SPPL2A: variants seen among roughly 807,000 people sequenced by gnomAD.
SPPL2A encodes signal peptide peptidase-like 2A.
A neutral mutation model predicts 63.8 loss-of-function variants in SPPL2A; 51 were observed. The ratio of observed to expected loss-of-function variants is 0.80; its 90% CI spans 0.64 to 1.01. The LOEUF is 1.01. SPPL2A is among the 50% of genes least tolerant of loss of function. SPPL2A has a pLI of 0.00. For missense variants in SPPL2A, 553 were observed against 622.7 expected (o/e 0.89, Z 1.19); for synonymous variants, 188 against 205.8 (o/e 0.91, Z 0.74).
intron 1 of SPPL2A, among the ~76,000 whole-genome samples, chr15:50,757,606 A>G (rs1315738168): frequency 6.6e-6 from 1 of 152,168 alleles, no homozygotes; most frequent in Non-Finnish European, 1.5e-5. Flanking sequence ...CTTACACACA[A>G]AGGAAGCAAG....
chr15:50,749,311 G>T (rs1450569807), intron 2 of SPPL2A, among the ~76,000 whole-genome samples: 1 of 151,398 alleles, frequency 6.6e-6, no homozygotes, highest in Non-Finnish European at 1.5e-5. Flanking sequence ...TTTCAGAGAC[G>T]AAGTCTCACC....
At position 50,705,032 on chromosome 15, in the gene SPPL2A, C is replaced by A. The variant is rs1168742663; in HGVS notation, c.*2768G>T. On this transcript the variant is annotated 3_prime_UTR_variant, in exon 15 of 15. Transcript: ENST00000261854. ...TAATTACTACTCCAGTTATATGAAACCAAATTATTTTGAGAAATTATCTTA... is the reference window on the plus strand; with the variant it reads ...TAATTACTACTCCAGTTATATGAAAACAAATTATTTTGAGAAATTATCTTA... 6.6e-6 allele frequency: 1 copy of A among 152,024 alleles called. No homozygotes were observed. Among genetic ancestry groups the A allele is most frequent in the Non-Finnish European group, 1.5e-5 (1 of 68,012 alleles). The allele number at this position is 152,024 out of a possible 1,614,324, so 9.4% of individuals were successfully genotyped here.
intron 1 of SPPL2A, among the ~76,000 whole-genome samples, chr15:50,757,169 G>A (rs1027120701): frequency 6.8e-6 from 1 of 147,790 alleles, no homozygotes; most frequent in Non-Finnish European, 1.5e-5. Flanking sequence ...TGCAAGCTCC[G>A]CCTCTGGGAT....
At chr15:50,751,497 T>C (rs2062905906) in intron 1 of SPPL2A, among the ~76,000 whole-genome samples, 1 of 152,238 alleles carries the variant, frequency 6.6e-6, no homozygotes, top group Non-Finnish European at 1.5e-5. Context: ...CATAAGTGAA[T>C]TGGGTACTTC....
At position 50,739,726 on chromosome 15, in the gene SPPL2A, G is replaced by T. The variant is rs762752338; in HGVS notation, c.687C>A (p.Ile229=). The T allele has an allele frequency of 7.5e-6, 12 of 1,601,676 alleles. No homozygotes were observed. Among genetic ancestry groups the T allele is most frequent in the Admixed American group, 1.7e-5 (1 of 57,208 alleles). Residue 229 remains isoleucine, a synonymous_variant, in exon 6 of 15, where the codon ATC becomes ATA. Coordinates refer to ENST00000261854, the MANE Select transcript of SPPL2A (RefSeq NM_032802.4). ...AAAGTAAGACCATCATAACACAGCA[G>T]ATGACCACAAATATTACAACTGTAA... The part of the protein sequence containing the change: ...SPLTVVIFVV[I]CCVMMVLLYF...
rs1714777663 is a variant in SPPL2A at position 50,707,154 on chromosome 15, T to G, written c.*646A>C. ...TTTTTTTTGGGATGGAGTCTCACTC[T>G]GTCGCCCAGGCTGGAGTGCAGTGGC... On this transcript the variant is annotated 3_prime_UTR_variant, in exon 15 of 15. Coordinates refer to ENST00000261854, the MANE Select transcript of SPPL2A (RefSeq NM_032802.4). The G allele has an allele frequency of 6.6e-6, 1 of 152,256 alleles. No individual in the cohort carries two copies. The highest frequency in any genetic ancestry group is 2.4e-5 in the African/African-American group (1 of 41,444). The allele number at this position is 152,256 out of a possible 1,614,324, so 9.4% of individuals were successfully genotyped here.
At chr15:50,740,451 A>G (rs968022705) in intron 5 of SPPL2A, among the ~76,000 whole-genome samples, 6 of 151,510 alleles carry the variant, frequency 4.0e-5, no homozygotes, top group African/African-American at 1.5e-4. Context: ...AAAAAGAAAA[A>G]AAAAAGAGAT....
intron 14 of SPPL2A, 84 bp from the exon 15 acceptor site, chr15:50,707,958 C>A: frequency 1.3e-6 from 1 of 754,688 alleles, no homozygotes; most frequent in South Asian, 1.5e-5. Context: ...GATTCTTTTT[C>A]TAAAAAACAC....
chr15:50,756,024 C>T (rs897715665), intron 1 of SPPL2A, among the ~76,000 whole-genome samples: 2 of 152,078 alleles, frequency 1.3e-5, no homozygotes, highest in Non-Finnish European at 2.9e-5. Context: ...AACCACAGTG[C>T]TGTGTCAATT....
At chr15:50,734,172 T>C (rs1189526965) in intron 8 of SPPL2A, among the ~76,000 whole-genome samples, 1 of 152,168 alleles carries the variant, frequency 6.6e-6, no homozygotes, top group Admixed American at 6.6e-5. Flanking sequence ...GAACTCAGTA[T>C]ATCAAAGAGA....
At chr15:50,753,929 T>C (rs1439265681) in intron 1 of SPPL2A, among the ~76,000 whole-genome samples, 3 of 152,276 alleles carry the variant, frequency 2.0e-5, no homozygotes, top group Middle Eastern at 3.4e-3. Flanking sequence ...CCTGAGTTGC[T>C]GGGATTACAA....
At chr15:50,713,675 A>C (rs1315463992) in intron 14 of SPPL2A, among the ~76,000 whole-genome samples, 1 of 152,152 alleles carries the variant, frequency 6.6e-6, no homozygotes, top group Non-Finnish European at 1.5e-5. Flanking sequence ...CTGAGTCTAA[A>C]CATAATTTTT....
chr15:50,757,960 G>A (rs931064699), intron 1 of SPPL2A, among the ~76,000 whole-genome samples: 11 of 149,972 alleles, frequency 7.3e-5, no homozygotes, highest in African/African-American at 2.0e-4. Flanking sequence ...CTCCAGCCTA[G>A]GCGACAGAGT....
intron 14 of SPPL2A, among the ~76,000 whole-genome samples, chr15:50,710,962 G>A (rs540626207): frequency 1.3e-5 from 2 of 152,164 alleles, no homozygotes; most frequent in East Asian, 3.9e-4. Flanking sequence ...CTAAAATGAT[G>A]ACTCCTTTTC....
At chr15:50,708,820 T>C (rs1164100070) in intron 14 of SPPL2A, among the ~76,000 whole-genome samples, 1 of 151,538 alleles carries the variant, frequency 6.6e-6, no homozygotes, top group Non-Finnish European at 1.5e-5. Flanking sequence ...GATCACGAGA[T>C]CAGGAGATCC....
Position 50,709,035 on chromosome 15 carries a change from C to CA in SPPL2A, c.1489-1162dup, listed in dbSNP as rs778639988. Among the ~76,000 whole-genome samples the CA allele has an allele frequency of 2.4e-3, 312 of 129,068 alleles. 2 individuals are homozygous for CA. The highest frequency in any genetic ancestry group is 0.012 in the Middle Eastern group (3 of 242). The allele number at this position is 129,068 out of a possible 152,430, so 84.7% of individuals were successfully genotyped here. Reference sequence around the variant, plus strand: ...CTGGGTGACAGAGCGAGACTCCGACCAAAAAAAAAAAAAGAAATTACCAGT... The same window carrying CA: ...CTGGGTGACAGAGCGAGACTCCGACCAAAAAAAAAAAAAAGAAATTACCAGT... On this transcript the variant is annotated intron_variant, in intron 14 of 14. Coordinates refer to ENST00000261854, the MANE Select transcript of SPPL2A (RefSeq NM_032802.4).
chr15:50,747,697 T>A (rs2062869658), intron 4 of SPPL2A, 69 bp from the exon 5 acceptor site: 1 of 1,092,038 alleles, frequency 9.2e-7, no homozygotes. Flanking sequence ...ACAGCAATAG[T>A]CCACATTTCA....
intron 14 of SPPL2A, among the ~76,000 whole-genome samples, chr15:50,711,375 A>C (rs962075004): frequency 1.3e-5 from 2 of 151,596 alleles, no homozygotes; most frequent in Admixed American, 6.6e-5. Flanking sequence ...ACGCCTGGAT[A>C]ATTTTTTGTA....
chr15:50,729,787 C>G lies in SPPL2A; in HGVS notation c.1089+1178G>C, dbSNP rs150258072. Among the ~76,000 whole-genome samples the G allele has an allele frequency of 9.0e-4, 137 of 152,184 alleles. 1 individual carries two copies. The highest frequency in any genetic ancestry group is 3.1e-3 in the African/African-American group (130 of 41,546). On this transcript the variant is annotated intron_variant, in intron 10 of 14. Transcript: ENST00000261854. ...GTCTTTATGCCATTATAGCAAATAT[C>G]AGAAGTGTAGATTTTTACAGTGATT...
Sources: allele counts gnomAD v4.1 joint callset (sites outside exome capture counted in the v4.1 genomes callset), GRCh38; gene constraint gnomAD v4.1.1; transcripts MANE v1.5; gene names NCBI Gene and HGNC (gene_info 2026-07-23, HGNC 2026-07-21).